The following NUP98 variants were observed in gnomAD, a reference collection of about 807,000 sequenced individuals.
The protein encoded by NUP98 is nucleoporin 98 and 96 precursor, also known as nuclear pore complex protein Nup98-Nup96.
Under a neutral mutation model 191.9 loss-of-function variants are expected in NUP98, and 26 were observed. That is an observed-to-expected ratio of 0.14 (90% confidence interval 0.10 to 0.19). The LOEUF (loss-of-function observed/expected upper bound fraction) is 0.19, where lower values mean the gene tolerates loss of function less well. NUP98 is among the 10% of genes least tolerant of loss of function. The pLI is 1.00. For missense variants in NUP98, 1,941 were observed against 2,178.8 expected, an observed-to-expected ratio of 0.89 and a Z score of 2.17; for synonymous variants, 808 against 778.4, an observed-to-expected ratio of 1.04 and a Z score of -0.63.
chr11:3,746,014 A>G (rs2080475869), intron 11 of NUP98, among the ~76,000 whole-genome samples: 1 of 152,156 alleles, frequency 6.6e-6, no homozygotes, highest in African/African-American at 2.4e-5. Flanking sequence ...TCACGCCTGT[A>G]ATCCCAGCAC....
chr11:3,678,597 A>T (rs1276531195), intron 31 of NUP98, among the ~76,000 whole-genome samples: 7 of 152,194 alleles, frequency 4.6e-5, no homozygotes, highest in Admixed American at 4.6e-4. Flanking sequence ...GATGAGTTTA[A>T]GTGTGCTAGG....
intron 8 of NUP98, among the ~76,000 whole-genome samples, chr11:3,764,546 G>A (rs1328232592): frequency 1.3e-5 from 2 of 152,090 alleles, no homozygotes; most frequent in Non-Finnish European, 2.9e-5. Flanking sequence ...CAATGTATGA[G>A]GGTTCCAACT....
chr11:3,782,026 C>G lies in NUP98; in HGVS notation c.76+16G>C, dbSNP rs561357095. On this transcript the variant is annotated intron_variant, in intron 2 of 32. Coordinates refer to ENST00000324932, the MANE Select transcript of NUP98 (RefSeq NM_016320.5). The stretch of plus-strand genomic sequence containing the variant: ...GATTAAGGTTTCTCCCTCTTTTGTC[C>G]TTTTTAAAAACTTACTCTGTCCAAA... 4.1e-5 allele frequency: 66 copies of G among 1,595,504 alleles called. 1 individual carries two copies. In the South Asian group the frequency reaches 7.1e-4, roughly 17 times the overall value.
rs895830088 is a variant in NUP98 at position 3,749,517 on chromosome 11, T to G, written c.1267+3799A>C. Among the ~76,000 whole-genome samples, 3 of 151,840 alleles carry G rather than the reference T, an allele frequency of 2.0e-5. No individual in the cohort carries two copies. The East Asian group carries it at 5.8e-4, about 29-fold the overall frequency. ...GCACATGCCTGCAATCCCAGCTACA[T>G]GGGAGGCTGAGGCAGGAGAATCACT... On this transcript the variant is annotated intron_variant, in intron 11 of 32. Transcript: ENST00000324932.
intron 24 of NUP98, 125 bp from the exon 25 acceptor site, chr11:3,699,473 C>T: frequency 1.0e-6 from 1 of 992,980 alleles, no homozygotes; most frequent in Non-Finnish European, 1.5e-6. Context: ...ACCACTCAAG[C>T]TGATTACCCT....
chr11:3,711,451 C>G (rs1442802753), intron 20 of NUP98: 1 of 152,174 alleles, frequency 6.6e-6, no homozygotes, highest in Admixed American at 6.6e-5. Flanking sequence ...TCCTGTCTGT[C>G]CATAAATGAA....
chr11:3,755,275 T>C (rs1259005117), intron 10 of NUP98, among the ~76,000 whole-genome samples: 1 of 146,934 alleles, frequency 6.8e-6, no homozygotes, highest in Non-Finnish European at 1.5e-5. Context: ...GGCCAACATG[T>C]GAAACCTCTT....
intron 1 of NUP98, among the ~76,000 whole-genome samples, chr11:3,788,304 A>G (rs7934468): frequency 6.6e-6 from 1 of 152,150 alleles, no homozygotes; most frequent in Non-Finnish European, 1.5e-5. Context: ...AGACATCTGT[A>G]TTTAAAACTG....
At chr11:3,772,742 A>G (rs550188486) in intron 6 of NUP98, among the ~76,000 whole-genome samples, 1 of 151,294 alleles carries the variant, frequency 6.6e-6, no homozygotes, top group African/African-American at 2.4e-5. Flanking sequence ...TAAATCCAGG[A>G]GGCAGAGATT....
intron 12 of NUP98, among the ~76,000 whole-genome samples, chr11:3,741,164 T>G (rs1037449388): frequency 2.0e-5 from 3 of 151,542 alleles, no homozygotes; most frequent in African/African-American, 2.4e-5. Context: ...CACCAAGCAC[T>G]AAAGTACTAT....
intron 7 of NUP98, among the ~76,000 whole-genome samples, chr11:3,771,309 A>T (rs2081524209): frequency 1.3e-5 from 2 of 152,192 alleles, no homozygotes; most frequent in Admixed American, 6.5e-5. Flanking sequence ...CTCTTTCAAA[A>T]CAACTTTCAG....
At chr11:3,703,266 G>C (rs1274498816) in intron 22 of NUP98, among the ~76,000 whole-genome samples, 1 of 148,080 alleles carries the variant, frequency 6.8e-6, no homozygotes, top group Non-Finnish European at 1.5e-5. Flanking sequence ...GCCCAGGCTA[G>C]AGTGCAGTGG....
chr11:3,763,044 AAAG>A lies in NUP98; in HGVS notation c.949-8_949-6del, dbSNP rs2081225550. On this transcript the variant is annotated splice_region_variant and splice_polypyrimidine_tract_variant and intron_variant, in intron 8 of 32. Coordinates refer to ENST00000324932, the MANE Select transcript of NUP98 (RefSeq NM_016320.5). ...TTGGGTTACTCCAAATAATCCCTGC[AAAG>A]AAGTTTATATAGATTAAAAGATATC... is the stretch of plus-strand genomic sequence containing the variant. 2.5e-6 allele frequency: 4 copies of A among 1,613,722 alleles called. No individual in the cohort carries two copies. Among genetic ancestry groups the A allele is most frequent in the South Asian group, 1.1e-5 (1 of 91,042 alleles).
chr11:3,680,771 C>T (rs769568898), intron 30 of NUP98, among the ~76,000 whole-genome samples: 1 of 152,184 alleles, frequency 6.6e-6, no homozygotes, highest in East Asian at 1.9e-4. Context: ...TAATCTCGAA[C>T]TACTGAGCTC....
chr11:3,676,647 A>G (rs756552210), intron 31 of NUP98, 27 bp from the exon 32 acceptor site: 22 of 1,542,642 alleles, frequency 1.4e-5, no homozygotes, highest in Non-Finnish European at 3.6e-6. Flanking sequence ...AAGCCAATTA[A>G]TCCAAGGGGA....
At chr11:3,742,832 G>A (rs1780484916) in intron 12 of NUP98, among the ~76,000 whole-genome samples, 1 of 151,856 alleles carries the variant, frequency 6.6e-6, no homozygotes, top group Admixed American at 6.6e-5. Flanking sequence ...AGAAAAATAT[G>A]TAAGTACGCA....
chr11:3,738,107 A>AAAAAACAAAAAAAAACC (rs1554894745), intron 12 of NUP98, among the ~76,000 whole-genome samples: 62 of 147,636 alleles, frequency 4.2e-4, no homozygotes, highest in Non-Finnish European at 6.9e-4. Context: ...AAAAAAAAAA[A>AAAAAACAAAAAAAAACC]CCAAAGACTT....
intron 1 of NUP98, among the ~76,000 whole-genome samples, chr11:3,788,628 A>C (rs1201996931): frequency 6.6e-6 from 1 of 151,976 alleles, no homozygotes. Flanking sequence ...TAAAAGTGAA[A>C]GGATATATAC....
At chr11:3,739,727 A>G (rs2080208793) in intron 12 of NUP98, among the ~76,000 whole-genome samples, 1 of 152,152 alleles carries the variant, frequency 6.6e-6, no homozygotes, top group Non-Finnish European at 1.5e-5. Flanking sequence ...AAAATCTAAC[A>G]AATTTCTAGG....
Sources: gnomAD v4.1 joint callset for allele counts (sites outside exome capture counted in the v4.1 genomes callset) on GRCh38, gnomAD v4.1.1 for gene constraint, MANE v1.5 for transcripts, NCBI Gene and HGNC (gene_info 2026-07-23, HGNC 2026-07-21) for gene names.